The following COIL variants were observed in gnomAD, a reference collection of about 807,000 sequenced individuals.
COIL encodes the protein coilin.
Under a neutral mutation model 51.6 loss-of-function variants are expected in COIL, and 28 were observed. That is an observed-to-expected ratio of 0.54 (90% CI 0.40 to 0.74). COIL has a LOEUF of 0.74. Among genes scored for constraint, COIL ranks in the 30% least tolerant of loss-of-function variants. The pLI is 0.00. For synonymous variants in COIL, 233 were observed against 255.8 expected (o/e 0.91, Z 0.85); for missense variants, 667 against 685.9 (o/e 0.97, Z 0.31).
In COIL at chr17:56,960,804, C is replaced by G. The variant is rs1157729666; in HGVS notation, c.216G>C (p.Ala72=). 3.1e-6 allele frequency: 5 copies of G among 1,591,728 alleles called. No homozygotes were observed. The highest frequency in any genetic ancestry group is 3.4e-6 in the Non-Finnish European group (4 of 1,170,354). Residue 72 remains alanine (A), a synonymous_variant, in exon 1 of 7, where the codon GCG becomes GCC. Coordinates refer to ENST00000240316, the MANE Select transcript of COIL (RefSeq NM_004645.3). ...GGCAGTCGTTGTCTCTCACAAGGCG[C>G]GCGCTCTCGGCGGGGGGCAAGAGCC... The part of the protein sequence containing the change: ...EGGLLPPAES[A]RLVRDNDCLR...
chr17:56,957,939 A>G (rs1910513713), intron 1 of COIL, among the ~76,000 whole-genome samples: 1 of 152,240 alleles, frequency 6.6e-6, no homozygotes, highest in Non-Finnish European at 1.5e-5. Context: ...GCAGTGGAAC[A>G]CAAGTGTGTG....
chr17:56,938,995 A>T lies in COIL; in HGVS notation c.*76T>A. ...CCATACAACTTCCAAATCCTCTTTA[A>T]AAAAAAAAAAAAGTTTGGGTTATAG... On this transcript the variant is annotated 3_prime_UTR_variant, in exon 7 of 7. Transcript: ENST00000240316. 5 of 696,156 alleles carry T rather than the reference A, an allele frequency of 7.2e-6. No individual in the cohort carries two copies. Among genetic ancestry groups the T allele is most frequent in the Non-Finnish European group, 9.3e-6 (4 of 430,010 alleles). The allele number at this position is 696,156 out of a possible 1,614,324, so 43.1% of individuals were successfully genotyped here. A position where few individuals can be genotyped will look rare whatever the true frequency, so the allele number is the denominator to read the frequency against.
At chr17:56,943,799 A>G (rs1468292) in intron 5 of COIL, among the ~76,000 whole-genome samples, 2 of 152,130 alleles carry the variant, frequency 1.3e-5, no homozygotes, top group Non-Finnish European at 2.9e-5. Flanking sequence ...TAACTGAAAT[A>G]TATGTATATC....
rs1371772957 is a variant in COIL, at chr17:56,950,581, C to A, written c.661G>T (p.Gly221Cys). The change falls in exon 2 of 7, where the codon GGT becomes TGT. Residue 221 changes from glycine (G) to cysteine (C), a missense_variant. Physicochemically the swap from Gly to Cys is radical, Grantham distance 159. Coordinates refer to ENST00000240316, the MANE Select transcript of COIL (RefSeq NM_004645.3). ...WANQRCSSPK[G>C]SARNSLVKAK... ...TTAACAAGGCTGTTTCTAGCAGAAC[C>A]TTTTGGAGAACTACATCTCTGATTG... The A allele has an allele frequency of 6.2e-7, 1 of 1,614,080 alleles. No homozygotes were observed. Among genetic ancestry groups the A allele is most frequent in the South Asian group, 1.1e-5 (1 of 91,088 alleles).
At chr17:56,942,248 T>G (rs1910163853) in intron 5 of COIL, 125 bp from the exon 6 acceptor site, 1 of 780,616 alleles carries the variant, frequency 1.3e-6, no homozygotes, top group South Asian at 1.6e-5. Flanking sequence ...ATGTGAAGGC[T>G]GGGTATGTAC....
chr17:56,943,030 G>A (rs1418029516), intron 5 of COIL, among the ~76,000 whole-genome samples: 1 of 152,110 alleles, frequency 6.6e-6, no homozygotes, highest in Non-Finnish European at 1.5e-5. Context: ...AATTACATTA[G>A]GAACACTAAG....
At chr17:56,947,620 G>A (rs543494968) in intron 4 of COIL, among the ~76,000 whole-genome samples, 5 of 152,030 alleles carry the variant, frequency 3.3e-5, no homozygotes, top group South Asian at 2.1e-4. Flanking sequence ...ACAGGTGCAC[G>A]CCACCATGCC....
intron 4 of COIL, among the ~76,000 whole-genome samples, chr17:56,948,514 T>C (rs1238620874): frequency 6.6e-6 from 1 of 152,044 alleles, no homozygotes; most frequent in Non-Finnish European, 1.5e-5. Flanking sequence ...CCTTGTATTT[T>C]ATCTATGTTA....
At chr17:56,958,940 G>A (rs150560619) in intron 1 of COIL, among the ~76,000 whole-genome samples, 251 of 152,296 alleles carry the variant, frequency 1.6e-3, no homozygotes, top group Non-Finnish European at 2.6e-3. Flanking sequence ...GAAATCTTAC[G>A]GAATCTGACA....
intron 1 of COIL, among the ~76,000 whole-genome samples, chr17:56,953,778 ACTAT>A (rs1294981496): frequency 1.3e-5 from 2 of 152,204 alleles, no homozygotes; most frequent in Non-Finnish European, 2.9e-5. Flanking sequence ...CAGAAAACTA[ACTAT>A]ACAGACAAAC....
At position 56,950,290 on chromosome 17, in the gene COIL, C is replaced by A. The variant is rs1158632314; in HGVS notation, c.952G>T (p.Asp318Tyr). The A allele has an allele frequency of 1.2e-6, 2 of 1,614,240 alleles. No homozygotes were observed. The highest frequency in any genetic ancestry group is 2.2e-5 in the South Asian group (2 of 91,086). Residue 318 changes from aspartate (D) to tyrosine (Y), a missense_variant, in exon 2 of 7, where the codon GAC becomes TAC. Transcript: ENST00000240316. The stretch of plus-strand genomic sequence containing the variant: ...TGGTCGTCTGACTCTGCACTAGAGT[C>A]TGAACTGGAAGATGTTGTTCCAGAG... ...KTSGTTSSSS[D>Y]SSAESDDQCL... is the part of the protein sequence containing the mutation.
intron 1 of COIL, among the ~76,000 whole-genome samples, chr17:56,954,807 GA>G (rs1050227498): frequency 3.3e-4 from 46 of 141,100 alleles, no homozygotes; most frequent in Middle Eastern, 7.1e-3. Context: ...CATCTGGGAA[GA>G]AAAAAAAAAA....
intron 1 of COIL, among the ~76,000 whole-genome samples, chr17:56,953,825 G>A (rs1910430796): frequency 6.6e-6 from 1 of 152,044 alleles, no homozygotes; most frequent in South Asian, 2.1e-4. Flanking sequence ...ACTGATATCA[G>A]GAGTAGGAGA....
chr17:56,946,593 A>C (rs565482117), intron 4 of COIL, 82 bp from the exon 5 acceptor site: 30 of 822,194 alleles, frequency 3.6e-5, no homozygotes, highest in Non-Finnish European at 5.3e-5. Flanking sequence ...GTAGACTTTA[A>C]AATGGTTAAA....
chr17:56,954,601 G>A (rs1156334584), intron 1 of COIL, among the ~76,000 whole-genome samples: 1 of 151,924 alleles, frequency 6.6e-6, no homozygotes, highest in Non-Finnish European at 1.5e-5. Flanking sequence ...ACAGCTATTT[G>A]GCTTGAAGGT....
At chr17:56,960,259 C>A (rs1910562669) in intron 1 of COIL, among the ~76,000 whole-genome samples, 1 of 149,964 alleles carries the variant, frequency 6.7e-6, no homozygotes, top group African/African-American at 2.5e-5. Context: ...TGCGGTGGTG[C>A]ACGCCTGCAA....
chr17:56,942,388 T>C (rs150070674), intron 5 of COIL, among the ~76,000 whole-genome samples: 1,656 of 152,268 alleles, frequency 0.011, 16 homozygotes, highest in South Asian at 0.033. Context: ...ACTACCAGAA[T>C]TGAATATGGC....
chr17:56,953,269 G>C (rs1035920336), intron 1 of COIL, among the ~76,000 whole-genome samples: 2 of 151,912 alleles, frequency 1.3e-5, no homozygotes, highest in African/African-American at 2.4e-5. Flanking sequence ...AAATTAGCCA[G>C]GCGTGGTGGC....
intron 1 of COIL, among the ~76,000 whole-genome samples, chr17:56,958,807 C>A (rs1236872211): frequency 2.0e-5 from 3 of 152,154 alleles, no homozygotes; most frequent in Non-Finnish European, 4.4e-5. Flanking sequence ...GGAAAAAAAA[C>A]TCTTTGAAAT....
Sources: allele counts gnomAD v4.1 joint callset (sites outside exome capture counted in the v4.1 genomes callset), GRCh38; gene constraint gnomAD v4.1.1; transcripts MANE v1.5; gene names NCBI Gene and HGNC (gene_info 2026-07-23, HGNC 2026-07-21).